TMEM114: variants seen among roughly 807,000 people sequenced by gnomAD.
TMEM114 encodes the protein claudin-26.
Under a neutral mutation model 6.2 loss-of-function variants are expected in TMEM114, and 6 were observed. The observed-to-expected ratio is 0.97, with a 90% CI of 0.53 to 1.91. The LOEUF (loss-of-function observed/expected upper bound fraction) is 1.91, where lower values mean the gene tolerates loss of function less well. TMEM114 is among the 40% of genes most tolerant of loss of function. The pLI is 0.01. For synonymous variants in TMEM114, 104 were observed against 73.0 expected (o/e 1.42, Z -2.16); for missense variants, 218 against 158.3 (o/e 1.38, Z -2.02).
chr16:8,566,458 T>C (rs1207783237), downstream of TMEM114, among the ~76,000 whole-genome samples: 2 of 145,186 alleles, frequency 1.4e-5, no homozygotes, highest in Admixed American at 1.4e-4. Flanking sequence ...TCAGAATGGA[T>C]CAGAACACAA....
chr16:8,543,080 A>G lies in TMEM114; in HGVS notation n.213-5254T>C, dbSNP rs140112536. Among the ~76,000 whole-genome samples the G allele has an allele frequency of 3.2e-4, 49 of 152,234 alleles. No homozygotes were observed. In the East Asian group the frequency reaches 9.1e-3, roughly 28 times the overall value. ...CACAGCCCTTCGAAAACTTTTAATTAATTTTTCCCCCTTTCAGCATAATTG... is the reference window on the plus strand; with the variant it reads ...CACAGCCCTTCGAAAACTTTTAATTGATTTTTCCCCCTTTCAGCATAATTG... On this transcript the variant is annotated intron_variant and non_coding_transcript_variant, in intron 2 of 2. Transcript: ENST00000623677.
chr16:8,549,150 G>A (rs1173996060), intron 2 of TMEM114, among the ~76,000 whole-genome samples: 1 of 134,918 alleles, frequency 7.4e-6, no homozygotes, highest in Non-Finnish European at 1.5e-5. Flanking sequence ...CCACTGCACT[G>A]CAGCCTGGGC....
intron 2 of TMEM114, among the ~76,000 whole-genome samples, chr16:8,543,987 T>A (rs1057481194): frequency 5.9e-5 from 9 of 152,230 alleles, no homozygotes; most frequent in African/African-American, 2.2e-4. Context: ...TGTAATCCAA[T>A]ATTTTCCTTT....
In TMEM114 at chr16:8,562,028, A is replaced by ATGAG. The variant is rs202043740; in HGVS notation, n.213-24206_213-24203dup. ...AATGAGTGACTGAATGTGTGAGTGA[A>ATGAG]TGAGTGAGTAAATGAGTGAGTGAGT... On this transcript the variant is annotated intron_variant and non_coding_transcript_variant, in intron 2 of 2. Coordinates refer to the TMEM114 transcript ENST00000623677. Among the ~76,000 whole-genome samples, 175 of 146,032 alleles carry ATGAG rather than the reference A, an allele frequency of 1.2e-3. 1 individual carries two copies. The highest frequency in any genetic ancestry group is 4.4e-3 in the African/African-American group (173 of 38,896).
Position 8,569,781 on chromosome 16 carries a change from C to T in TMEM114, c.664G>A (p.Ala222Thr), listed in dbSNP as rs1346694483. ...CGACCCAGCGCCCAGGCTCATATGG[C>T]CTGGTCCTGCCTCCGTCTCAGGCTG... is the stretch of plus-strand genomic sequence containing the variant. ...ELSLRRRQDQ[A>T]I The change falls in exon 4 of 4, where the codon GCC becomes ACC. Residue 222 changes from alanine (A) to threonine (T), a missense_variant. Ala to Thr is a moderately conservative substitution (Grantham distance 58). Transcript: ENST00000620492. 4 of 1,550,040 alleles carry T rather than the reference C, an allele frequency of 2.6e-6. No individual in the cohort carries two copies. The highest frequency in any genetic ancestry group is 3.5e-6 in the Non-Finnish European group (4 of 1,146,690).
At chr16:8,530,893 C>T in the TMEM114 span, among the ~76,000 whole-genome samples, 1 of 152,170 alleles carries the variant, frequency 6.6e-6, no homozygotes, top group South Asian at 2.1e-4. Flanking sequence ...GGTGTGGTGG[C>T]ATACGCATAT....
At chr16:8,559,607 C>G (rs1001385909) in intron 2 of TMEM114, among the ~76,000 whole-genome samples, 2 of 152,136 alleles carry the variant, frequency 1.3e-5, no homozygotes, top group African/African-American at 2.4e-5. Context: ...GTCATCAAAG[C>G]GTTGTTTCTC....
chr16:8,553,453 G>C (rs1900907240), intron 2 of TMEM114, among the ~76,000 whole-genome samples: 1 of 151,976 alleles, frequency 6.6e-6, no homozygotes, highest in African/African-American at 2.4e-5. Context: ...CTGGAGTGCA[G>C]TGGCACTATC....
At chr16:8,535,518 G>C (rs1288558081), downstream of TMEM114, among the ~76,000 whole-genome samples, 1 of 152,048 alleles carries the variant, frequency 6.6e-6, no homozygotes, top group African/African-American at 2.4e-5. Flanking sequence ...ATAATTGCCA[G>C]TTTATTACTT....
At chr16:8,556,782 C>T (rs919998398) in intron 2 of TMEM114, among the ~76,000 whole-genome samples, 7 of 152,136 alleles carry the variant, frequency 4.6e-5, no homozygotes, top group African/African-American at 1.4e-4. Context: ...GGATTATAGG[C>T]GTGAGCCACC....
intron 2 of TMEM114, among the ~76,000 whole-genome samples, chr16:8,558,907 A>T (rs969630863): frequency 6.0e-5 from 9 of 149,454 alleles, no homozygotes; most frequent in African/African-American, 2.0e-4. Flanking sequence ...TGCCCAGCTA[A>T]TTTTTTTTTG....
At chr16:8,560,092 G>C (rs1259389200) in intron 2 of TMEM114, among the ~76,000 whole-genome samples, 1 of 152,046 alleles carries the variant, frequency 6.6e-6, no homozygotes, top group East Asian at 1.9e-4. Flanking sequence ...GACCTCCTAG[G>C]CTCAATTCCC....
intron 2 of TMEM114, among the ~76,000 whole-genome samples, chr16:8,550,127 C>A (rs112295131): frequency 0.075 from 11,377 of 152,294 alleles, 509 homozygotes; most frequent in Middle Eastern, 0.18. Context: ...GAAGACTCAG[C>A]AAGTCAGCTT....
chr16:8,531,213 A>C, the TMEM114 span, among the ~76,000 whole-genome samples: 1 of 152,274 alleles, frequency 6.6e-6, no homozygotes, highest in Non-Finnish European at 1.5e-5. Flanking sequence ...CACAAATTGC[A>C]TGCTAATGGC....
At chr16:8,561,161 A>G (rs529080008) in intron 2 of TMEM114, among the ~76,000 whole-genome samples, 61 of 152,370 alleles carry the variant, frequency 4.0e-4, no homozygotes, top group African/African-American at 1.2e-3. Context: ...GTGGGGACAC[A>G]GCCAAACCAT....
chr16:8,540,100 A>T (rs929548219), intron 2 of TMEM114, among the ~76,000 whole-genome samples: 1 of 152,230 alleles, frequency 6.6e-6, no homozygotes, highest in South Asian at 2.1e-4. Context: ...CTGGGATTAC[A>T]GGCTTGAACT....
downstream of TMEM114, among the ~76,000 whole-genome samples, chr16:8,566,459 CA>C (rs1901549193): frequency 6.8e-6 from 1 of 146,374 alleles, no homozygotes; most frequent in Non-Finnish European, 1.5e-5. Flanking sequence ...CAGAATGGAT[CA>C]GAACACAACA....
Position 8,569,569 on chromosome 16 carries a change from C to T in TMEM114, c.*204G>A, listed in dbSNP as rs562886837. ...CTCCCTCGGGCTCCTCCAGGCCACA[C>T]GGACACACACGGACATAAGCACACA... is the stretch of plus-strand genomic sequence containing the variant. On this transcript the variant is annotated 3_prime_UTR_variant, in exon 4 of 4. Coordinates refer to ENST00000620492, the MANE Select transcript of TMEM114 (RefSeq NM_001146336.2). 2.8e-6 allele frequency: 4 copies of T among 1,419,824 alleles called. No individual in the cohort carries two copies. Among genetic ancestry groups the T allele is most frequent in the Non-Finnish European group, 3.7e-6 (4 of 1,090,250 alleles). 88.0% of individuals were successfully genotyped at this position (1,419,824 alleles called of 1,614,324 possible).
At chr16:8,539,906 C>T (rs1354915571) in intron 2 of TMEM114, among the ~76,000 whole-genome samples, 3 of 152,158 alleles carry the variant, frequency 2.0e-5, no homozygotes, top group Non-Finnish European at 4.4e-5. Flanking sequence ...CAGCCTCCAC[C>T]TCCCAGATTC....
Sources: allele counts gnomAD v4.1 joint callset (sites outside exome capture counted in the v4.1 genomes callset), GRCh38; gene constraint gnomAD v4.1.1; transcripts MANE v1.5; gene names NCBI Gene and HGNC (gene_info 2026-07-23, HGNC 2026-07-21).